KREMEN1: variants seen among roughly 807,000 people sequenced by gnomAD.
KREMEN1 encodes the protein kringle containing transmembrane protein 1.
In KREMEN1, 30 loss-of-function variants were observed where a neutral mutation model predicts 46.5. The observed-to-expected ratio is 0.65, with a 90% confidence interval of 0.48 to 0.88. KREMEN1 has a LOEUF of 0.88. Among genes scored for constraint, KREMEN1 ranks in the 40% least tolerant of loss-of-function variants. The pLI, the probability that KREMEN1 is intolerant of heterozygous loss-of-function variation, is 0.00. For synonymous variants in KREMEN1, 214 were observed against 230.6 expected (o/e 0.93, Z 0.65); for missense variants, 533 against 596.9 (o/e 0.89, Z 1.11).
At chr22:29,131,045 G>A (rs2038525715) in intron 5 of KREMEN1, among the ~76,000 whole-genome samples, 1 of 152,058 alleles carries the variant, frequency 6.6e-6, no homozygotes, top group South Asian at 2.1e-4. Flanking sequence ...AGTTTCAGTT[G>A]GATACTTTAT....
At chr22:29,105,478 T>TACACACACACACAC (rs10642386) in intron 3 of KREMEN1, among the ~76,000 whole-genome samples, 6,992 of 146,918 alleles carry the variant, frequency 0.048, 208 homozygotes, top group Non-Finnish European at 0.062. Flanking sequence ...CACACACACA[T>TACACACACACACAC]ACACACACAC....
intron 1 of KREMEN1, among the ~76,000 whole-genome samples, chr22:29,074,599 GGGAAGA>G (rs2037536671): frequency 6.6e-6 from 1 of 152,242 alleles, no homozygotes; most frequent in African/African-American, 2.4e-5. Context: ...TGAAAGGGAT[GGGAAGA>G]GTTTATTACC....
intron 1 of KREMEN1, among the ~76,000 whole-genome samples, chr22:29,093,085 G>T (rs1017760445): frequency 6.6e-6 from 1 of 152,204 alleles, no homozygotes; most frequent in African/African-American, 2.4e-5. Context: ...CACAGGGCCT[G>T]GATGGTCAGA....
chr22:29,078,255 C>T (rs1014147525), intron 1 of KREMEN1, among the ~76,000 whole-genome samples: 32 of 152,120 alleles, frequency 2.1e-4, no homozygotes, highest in African/African-American at 7.5e-4. Flanking sequence ...AAGACCCTGT[C>T]TCAAAAACAA....
At chr22:29,164,949 C>T (rs868073211) in intron 9 of KREMEN1, among the ~76,000 whole-genome samples, 1 of 151,696 alleles carries the variant, frequency 6.6e-6, no homozygotes, top group Admixed American at 6.6e-5. Flanking sequence ...CCCAGGCAGG[C>T]GGATCACAAA....
In KREMEN1 at chr22:29,142,989, A is replaced by C. The variant is rs993579879; in HGVS notation, c.*877A>C. The C allele has an allele frequency of 3.7e-6, 2 of 546,530 alleles. No homozygotes were observed. The highest frequency in any genetic ancestry group is 1.5e-4 in the East Asian group (1 of 6,762). The allele number at this position is 546,530 out of a possible 1,614,324, so 33.9% of individuals were successfully genotyped here. ...ACATGGTGAAACCCCGTCTCTACTA[A>C]AAATATAAAAATTAGTCAGGCGTGG... On this transcript the variant is annotated 3_prime_UTR_variant, in exon 9 of 9. Transcript: ENST00000400335.
chr22:29,150,566 A>G (rs2038907408), downstream of KREMEN1, among the ~76,000 whole-genome samples: 1 of 152,186 alleles, frequency 6.6e-6, no homozygotes, highest in Non-Finnish European at 1.5e-5. Context: ...GAACTTTTAA[A>G]AACTTCACTG....
chr22:29,114,518 G>T (rs1327046009), intron 3 of KREMEN1, among the ~76,000 whole-genome samples: 2 of 143,588 alleles, frequency 1.4e-5, no homozygotes, highest in African/African-American at 2.7e-5. Context: ...GAGCGGAAGA[G>T]AAATCAGAGC....
At chr22:29,153,934 T>C (rs910731206) in intron 9 of KREMEN1, among the ~76,000 whole-genome samples, 2 of 147,526 alleles carry the variant, frequency 1.4e-5, no homozygotes, top group Non-Finnish European at 3.0e-5. Context: ...ATCTAGTCAC[T>C]GCACTCCAGC....
chr22:29,114,512 G>A (rs1239420233), intron 3 of KREMEN1, among the ~76,000 whole-genome samples: 3 of 142,808 alleles, frequency 2.1e-5, no homozygotes, highest in Non-Finnish European at 4.5e-5. Context: ...AAAAAGGAGC[G>A]GAAGAGAAAT....
rs139105253 is a variant in KREMEN1, at chr22:29,082,923, C to T, written c.97+9696C>T. Among the ~76,000 whole-genome samples, 386 of 152,248 alleles carry T rather than the reference C, an allele frequency of 2.5e-3. 1 individual carries two copies. Among genetic ancestry groups the T allele is most frequent in the Middle Eastern group, 6.8e-3 (2 of 294 alleles). ...GAAGTTTCAGCTTTAAAATATCTCA[C>T]GTTTCCTGTATCCTTATGTGAAAAC... On this transcript the variant is annotated intron_variant, in intron 1 of 8. Coordinates refer to ENST00000400335, the MANE Select transcript of KREMEN1 (RefSeq NM_001039570.3).
intron 4 of KREMEN1, 126 bp downstream of exon 4, chr22:29,121,607 C>A: frequency 1.9e-6 from 2 of 1,058,310 alleles, no homozygotes; most frequent in East Asian, 2.6e-5. Context: ...TTGTATGATT[C>A]CACTTACATG....
At chr22:29,088,233 C>T (rs974771990) in intron 1 of KREMEN1, among the ~76,000 whole-genome samples, 3 of 152,108 alleles carry the variant, frequency 2.0e-5, no homozygotes, top group East Asian at 1.9e-4. Context: ...TGCCCACATA[C>T]TCATGTTATC....
intron 5 of KREMEN1, among the ~76,000 whole-genome samples, chr22:29,134,406 C>T (rs1468503925): frequency 2.0e-5 from 3 of 152,084 alleles, no homozygotes; most frequent in Non-Finnish European, 4.4e-5. Context: ...ATCCTCCTCC[C>T]GTGGCCCCTC....
exon 10 of KREMEN1, chr22:29,167,127 C>A: frequency 6.5e-7 from 1 of 1,547,338 alleles, no homozygotes; most frequent in Non-Finnish European, 8.7e-7. Flanking sequence ...AACTAGGCTC[C>A]GTGGGCATAT....
chr22:29,118,942 G>T (rs1336900840), intron 3 of KREMEN1, among the ~76,000 whole-genome samples: 1 of 152,018 alleles, frequency 6.6e-6, no homozygotes, highest in South Asian at 2.1e-4. Flanking sequence ...ACAAGGAGTG[G>T]GTCCCAACTT....
chr22:29,076,088 C>T (rs972485349), intron 1 of KREMEN1, among the ~76,000 whole-genome samples: 2 of 152,022 alleles, frequency 1.3e-5, no homozygotes, highest in Non-Finnish European at 2.9e-5. Context: ...GCCATGTGGT[C>T]GAGAGGTTCT....
intron 1 of KREMEN1, among the ~76,000 whole-genome samples, chr22:29,079,007 T>C (rs1208332060): frequency 6.6e-6 from 1 of 152,246 alleles, no homozygotes; most frequent in East Asian, 1.9e-4. Flanking sequence ...GAGGTCACTC[T>C]ATTTTTCCTC....
At chr22:29,114,774 C>A (rs2038211292) in intron 3 of KREMEN1, among the ~76,000 whole-genome samples, 1 of 152,094 alleles carries the variant, frequency 6.6e-6, no homozygotes, top group African/African-American at 2.4e-5. Context: ...AAAAGCACAC[C>A]AGTCTGGGGC....
Sources: allele counts gnomAD v4.1 joint callset (sites outside exome capture counted in the v4.1 genomes callset), GRCh38; gene constraint gnomAD v4.1.1; transcripts MANE v1.5; gene names NCBI Gene and HGNC (gene_info 2026-07-23, HGNC 2026-07-21).